Variants in MFSD6 observed in about 807,000 individuals in gnomAD.
MFSD6 encodes major facilitator superfamily domain-containing protein 6.
In MFSD6, 26 loss-of-function variants were observed where a neutral mutation model predicts 56.3. The observed-to-expected ratio is 0.46, with a 90% confidence interval of 0.34 to 0.64. The LOEUF is 0.64. Ranked by LOEUF, MFSD6 falls within the 30% of genes least tolerant of loss-of-function variation. The probability of loss-of-function intolerance (pLI) is 0.01; values close to 1 mark genes in which losing one functional copy is unlikely to be tolerated. For synonymous variants in MFSD6, 331 were observed against 366.9 expected (o/e 0.90, Z 1.12); for missense variants, 750 against 986.2 (o/e 0.76, Z 3.21).
chr2:190,491,767 C>T lies in MFSD6; in HGVS notation c.1891+1901C>T, dbSNP rs1421239452. 6.6e-6 allele frequency among the ~76,000 whole-genome samples: 1 copy of T among 152,134 alleles called. No individual in the cohort carries two copies. ...AACAAGGTTCTTTAACCTGCCCCAA[C>T]AAAATCACACTAGCACCAGCAATAG... On this transcript the variant is annotated intron_variant, in intron 6 of 7. Coordinates refer to ENST00000392328, the MANE Select transcript of MFSD6 (RefSeq NM_017694.4). The surrounding 1 kb of genome is among the most constrained non-coding windows in gnomAD (Gnocchi z 4.2).
In MFSD6 at chr2:190,488,922, G is replaced by A; in HGVS notation, c.1792+104G>A. The A allele has an allele frequency of 3.6e-6, 4 of 1,121,914 alleles. No homozygotes were observed. The South Asian group carries it at 7.4e-5, about 21-fold the overall frequency. The allele number at this position is 1,121,914 out of a possible 1,614,324, so 69.5% of individuals were successfully genotyped here. ...CAATTATTACTGAAGATTGCCCAAA[G>A]CTAAATTCCAGTATTCATAATCTCT... is the stretch of plus-strand genomic sequence containing the variant. On this transcript the variant is annotated intron_variant, in intron 5 of 7. Coordinates refer to ENST00000392328, the MANE Select transcript of MFSD6 (RefSeq NM_017694.4). The surrounding 1 kb of genome is among the most constrained non-coding windows in gnomAD (Gnocchi z 6.4).
chr2:190,481,754 G>T (rs1688680551), intron 4 of MFSD6, among the ~76,000 whole-genome samples: 1 of 152,222 alleles, frequency 6.6e-6, no homozygotes, highest in Admixed American at 6.5e-5. Flanking sequence ...ATCAATAGGT[G>T]TGGGAATGTT....
At chr2:190,420,552 C>T (rs1030693156) in intron 2 of MFSD6, among the ~76,000 whole-genome samples, 1 of 152,140 alleles carries the variant, frequency 6.6e-6, no homozygotes, top group Non-Finnish European at 1.5e-5. Context: ...AACAAAATCT[C>T]CTTTCACTTT....
At position 190,496,235 on chromosome 2, in the gene MFSD6, T is replaced by G. The variant is rs1437495245; in HGVS notation, c.1892-1204T>G. Among the ~76,000 whole-genome samples the G allele has an allele frequency of 6.6e-6, 1 of 151,314 alleles. No individual in the cohort carries two copies. The highest frequency in any genetic ancestry group is 2.4e-5 in the African/African-American group (1 of 41,196). ...ATGGCCAACAAACATGAAACAATGG[T>G]CAACATCACTAGTGATCAGGGAAAT... On this transcript the variant is annotated intron_variant, in intron 6 of 7. Transcript: ENST00000392328. The surrounding 1 kb of genome is among the most constrained non-coding windows in gnomAD (Gnocchi z 4.7).
Position 190,437,263 on chromosome 2 carries a change from G to A in MFSD6, c.1234G>A (p.Glu412Lys), listed in dbSNP as rs2125052006. 1 of 1,614,170 alleles carries A rather than the reference G, an allele frequency of 6.2e-7. No homozygotes were observed. The highest frequency in any genetic ancestry group is 1.3e-5 in the African/African-American group (1 of 75,028). The change falls in exon 3 of 8, where the codon GAA becomes AAA. Residue 412 changes from glutamate to lysine, a missense_variant. Glu to Lys is a moderately conservative substitution (Grantham distance 56, BLOSUM62 1). Around this residue, in one of 5 missense-constraint regions of MFSD6, gnomAD observed 376 missense variants for 437.9 expected, o/e 0.86. Transcript: ENST00000392328. The surrounding 1 kb of genome is among the most constrained non-coding windows in gnomAD (Gnocchi z 5.9). ...KGKEVEIPQV[E>K]RNNSTESSEE... The stretch of plus-strand genomic sequence containing the variant: ...GAAAGAGGTGGAGATCCCGCAGGTG[G>A]AAAGGAACAACTCTACAGAGTCCTC...
Position 190,488,828 on chromosome 2 carries a change from G to T in MFSD6, c.1792+10G>T. The T allele has an allele frequency of 6.5e-7, 1 of 1,531,386 alleles. No homozygotes were observed. The highest frequency in any genetic ancestry group is 2.4e-5 in the East Asian group (1 of 41,876). 94.9% of individuals were successfully genotyped at this position (1,531,386 alleles called of 1,614,324 possible). ...TTAGTCAATTATTTTGGTAAGAATG[G>T]CTTTCTCCTTTTTTTTCTTTTCTAT... On this transcript the variant is annotated intron_variant, in intron 5 of 7. Transcript: ENST00000392328. This position sits in a 1 kb window ranked among gnomAD's most constrained non-coding sequence, Gnocchi z 6.4.
At position 190,437,043 on chromosome 2, in the gene MFSD6, G is replaced by A. The variant is rs200242362; in HGVS notation, c.1014G>A (p.Ala338=). Residue 338 remains alanine, a synonymous_variant, in exon 3 of 8, where the codon GCG becomes GCA. Coordinates refer to ENST00000392328, the MANE Select transcript of MFSD6 (RefSeq NM_017694.4). The surrounding 1 kb of genome is among the most constrained non-coding windows in gnomAD (Gnocchi z 5.9). The stretch of plus-strand genomic sequence containing the variant: ...GGGGCTCCCTGGGCTGGGGCCTGGC[G>A]ATGCTGTCTGTGGGCATCGGGATCG... ...RMWGSLGWGL[A]MLSVGIGIDY... 48 of 1,614,196 alleles carry A rather than the reference G, an allele frequency of 3.0e-5. No individual in the cohort carries two copies. In the East Asian group the frequency reaches 5.3e-4, roughly 18 times the overall value.
chr2:190,463,958 G>A lies in MFSD6; in HGVS notation c.1533-5800G>A. 1.1e-6 allele frequency: 1 copy of A among 902,414 alleles called. No individual in the cohort carries two copies. Among genetic ancestry groups the A allele is most frequent in the Non-Finnish European group, 1.3e-6 (1 of 754,300 alleles). 55.9% of individuals were successfully genotyped at this position (902,414 alleles called of 1,614,324 possible). ...AGGCAGACTGTAGACTGTGCTCCAG[G>A]GATCTGGTGTCAACAACCAGCTCTT... On this transcript the variant is annotated intron_variant, in intron 3 of 7. Coordinates refer to ENST00000392328, the MANE Select transcript of MFSD6 (RefSeq NM_017694.4). The surrounding 1 kb of genome is among the most constrained non-coding windows in gnomAD (Gnocchi z 4.4).
At chr2:190,428,533 A>C (rs1685854541) in intron 2 of MFSD6, among the ~76,000 whole-genome samples, 1 of 152,212 alleles carries the variant, frequency 6.6e-6, no homozygotes. Flanking sequence ...GAATTTTTTC[A>C]AATTTTAGAA....
rs191035703 is a variant in MFSD6 at position 190,474,494 on chromosome 2, C to T, written c.1630+4639C>T. On this transcript the variant is annotated intron_variant, in intron 4 of 7. Transcript: ENST00000392328. ...AAATGGATAAATTCCTTGACACAAA[C>T]AACCTCCCAAGACTAAACCAGGAAG... Among the ~76,000 whole-genome samples the T allele has an allele frequency of 5.9e-5, 9 of 152,296 alleles. No individual in the cohort carries two copies. In the East Asian group the frequency reaches 1.5e-3, roughly 26 times the overall value.
In MFSD6 at chr2:190,492,965, A is replaced by AT. The variant is rs1265787016; in HGVS notation, c.1891+3101dup. Among the ~76,000 whole-genome samples, 5 of 152,178 alleles carry AT rather than the reference A, an allele frequency of 3.3e-5. No homozygotes were observed. Among genetic ancestry groups the AT allele is most frequent in the South Asian group, 4.2e-4 (2 of 4,816 alleles). On this transcript the variant is annotated intron_variant, in intron 6 of 7. Transcript: ENST00000392328. The surrounding 1 kb of genome is among the most constrained non-coding windows in gnomAD (Gnocchi z 5.2). ...CACAGGACCTATAAAACAAAATACAATTAAAAAAAAAAGCAAGGTATATAG... is the reference window on the plus strand; with the variant it reads ...CACAGGACCTATAAAACAAAATACAATTTAAAAAAAAAAGCAAGGTATATAG...
chr2:190,491,507 C>T lies in MFSD6; in HGVS notation c.1891+1641C>T, dbSNP rs1390373490. Among the ~76,000 whole-genome samples the T allele has an allele frequency of 6.6e-6, 1 of 152,170 alleles. No homozygotes were observed. The highest frequency in any genetic ancestry group is 1.5e-5 in the Non-Finnish European group (1 of 68,038). ...GGACTCTATGCAGACAACCCCAGTACCAGCCTGGAGCCTGGTAGCCCTGCT... is the reference window on the plus strand; with the variant it reads ...GGACTCTATGCAGACAACCCCAGTATCAGCCTGGAGCCTGGTAGCCCTGCT... On this transcript the variant is annotated intron_variant, in intron 6 of 7. Transcript: ENST00000392328. This position sits in a 1 kb window ranked among gnomAD's most constrained non-coding sequence, Gnocchi z 4.2.
chr2:190,430,178 A>G (rs1229705618), intron 2 of MFSD6, among the ~76,000 whole-genome samples: 1 of 148,418 alleles, frequency 6.7e-6, no homozygotes, highest in Non-Finnish European at 1.5e-5. Flanking sequence ...ACATGAACGC[A>G]TCCTTTTTAT....
At position 190,424,107 on chromosome 2, in the gene MFSD6, A is replaced by G. The variant is rs4577309; in HGVS notation, c.-54+8694A>G. On this transcript the variant is annotated intron_variant, in intron 2 of 7. Coordinates refer to ENST00000392328, the MANE Select transcript of MFSD6 (RefSeq NM_017694.4). The surrounding 1 kb of genome is among the most constrained non-coding windows in gnomAD (Gnocchi z 5.9). ...GCTTGTGTTTTCATCCTCTTTGCAG[A>G]GTCTTTTAAAGAGCAAAAGTTTTAA... 0.61 allele frequency among the ~76,000 whole-genome samples: 93,011 copies of G among 151,970 alleles called. 30,591 individuals carry two copies. Among genetic ancestry groups the G allele is most frequent in the African/African-American group, 0.86 (35,579 of 41,492 alleles).
chr2:190,456,231 A>G lies in MFSD6; in HGVS notation c.1533-13527A>G, dbSNP rs969130971. 6.6e-6 allele frequency among the ~76,000 whole-genome samples: 1 copy of G among 152,110 alleles called. No homozygotes were observed. The highest frequency in any genetic ancestry group is 2.4e-5 in the African/African-American group (1 of 41,428). On this transcript the variant is annotated intron_variant, in intron 3 of 7. Coordinates refer to ENST00000392328, the MANE Select transcript of MFSD6 (RefSeq NM_017694.4). The surrounding 1 kb of genome is among the most constrained non-coding windows in gnomAD (Gnocchi z 5.4). ...GCTAGGATTACAGGTGTGAGCCACCATGCCTGGCCTGCTCTACTTTTTTCC... is the reference window on the plus strand; with the variant it reads ...GCTAGGATTACAGGTGTGAGCCACCGTGCCTGGCCTGCTCTACTTTTTTCC...
In MFSD6 at chr2:190,449,780, C is replaced by T. The variant is rs1449164135; in HGVS notation, c.1532+12219C>T. On this transcript the variant is annotated intron_variant, in intron 3 of 7. Coordinates refer to ENST00000392328, the MANE Select transcript of MFSD6 (RefSeq NM_017694.4). ...ATCGCAAGAACAAAAAACCAAACAC[C>T]GCATATTCTCACTCATAGGTGGGAA... Among the ~76,000 whole-genome samples the T allele has an allele frequency of 7.9e-5, 12 of 151,866 alleles. No individual in the cohort carries two copies. The East Asian group carries it at 1.7e-3, about 22-fold the overall frequency.
chr2:190,478,000 G>A (rs1009406362), intron 4 of MFSD6, among the ~76,000 whole-genome samples: 2 of 152,188 alleles, frequency 1.3e-5, no homozygotes, highest in Non-Finnish European at 2.9e-5. Flanking sequence ...CCTCTTCAGG[G>A]AGCATAAGTG....
At chr2:190,432,822 G>A (rs1216023582) in intron 2 of MFSD6, among the ~76,000 whole-genome samples, 1 of 34,756 alleles carries the variant, frequency 2.9e-5, no homozygotes, top group Non-Finnish European at 5.6e-5. Context: ...TGCCACCCCC[G>A]CCCCCCAACA....
In MFSD6 at chr2:190,424,424, C is replaced by T. The variant is rs1685727265; in HGVS notation, c.-54+9011C>T. 1.3e-5 allele frequency among the ~76,000 whole-genome samples: 2 copies of T among 152,066 alleles called. No homozygotes were observed. Among genetic ancestry groups the T allele is most frequent in the South Asian group, 4.2e-4 (2 of 4,814 alleles). ...TGTCTCGGCTCACTGCAACCTCCGC[C>T]TCCCAGGTTCAAGTGATTCTCCTGC... On this transcript the variant is annotated intron_variant, in intron 2 of 7. Coordinates refer to ENST00000392328, the MANE Select transcript of MFSD6 (RefSeq NM_017694.4). This position sits in a 1 kb window ranked among gnomAD's most constrained non-coding sequence, Gnocchi z 5.9.
Sources: allele counts gnomAD v4.1 joint callset (sites outside exome capture counted in the v4.1 genomes callset), GRCh38; gene constraint gnomAD v4.1.1; regional missense constraint gnomAD v4.1.1; non-coding constraint Gnocchi (gnomAD v3.1); transcripts MANE v1.5; gene names NCBI Gene and HGNC (gene_info 2026-07-23, HGNC 2026-07-21).